The following KIAA0825 variants were observed in gnomAD, a reference collection of about 807,000 sequenced individuals.
The protein encoded by KIAA0825 is uncharacterized protein KIAA0825.
A neutral mutation model predicts 147.6 loss-of-function variants in KIAA0825; 119 were observed. The observed-to-expected ratio is 0.81, with a 90% confidence interval of 0.69 to 0.94. KIAA0825 has a LOEUF of 0.94. KIAA0825 is among the 40% of genes least tolerant of loss of function. The pLI is 0.00. For missense variants in KIAA0825, 1,381 were observed against 1,472.7 expected, an observed-to-expected ratio of 0.94 and a Z score of 1.02; for synonymous variants, 470 against 518.1, an observed-to-expected ratio of 0.91 and a Z score of 1.26.
chr5:94,516,534 T>G (rs1767266475), intron 5 of KIAA0825, among the ~76,000 whole-genome samples: 1 of 152,036 alleles, frequency 6.6e-6, no homozygotes, highest in Non-Finnish European at 1.5e-5. Context: ...CCGGGCGCGG[T>G]GGCTCACGCC....
chr5:94,515,238 T>A (rs185393688), intron 5 of KIAA0825, among the ~76,000 whole-genome samples: 136 of 152,300 alleles, frequency 8.9e-4, no homozygotes, highest in Non-Finnish European at 1.3e-3. Flanking sequence ...TAAAATTAAT[T>A]TGATCACATA....
chr5:94,402,231 A>G (rs954307047), intron 16 of KIAA0825, among the ~76,000 whole-genome samples: 3 of 152,178 alleles, frequency 2.0e-5, no homozygotes, highest in African/African-American at 4.8e-5. Flanking sequence ...TTGCAATGGT[A>G]TGGAGGAATT....
intron 20 of KIAA0825, among the ~76,000 whole-genome samples, chr5:94,177,513 A>C (rs1180587551): frequency 6.6e-6 from 1 of 152,096 alleles, no homozygotes; most frequent in Non-Finnish European, 1.5e-5. Context: ...GAGAACAGCC[A>C]CTTCTAAAAC....
chr5:94,285,559 A>G (rs1286755282), intron 20 of KIAA0825, among the ~76,000 whole-genome samples: 1 of 152,186 alleles, frequency 6.6e-6, no homozygotes, highest in Non-Finnish European at 1.5e-5. Context: ...CTTATTCAAG[A>G]GACAAGCAAT....
chr5:94,276,861 AC>A (rs1233288065), intron 20 of KIAA0825, among the ~76,000 whole-genome samples: 1 of 152,020 alleles, frequency 6.6e-6, no homozygotes, highest in African/African-American at 2.4e-5. Flanking sequence ...AGTTAGAAAA[AC>A]CAGCCCTTGC....
At chr5:94,157,500 A>G (rs1767146515) in intron 20 of KIAA0825, among the ~76,000 whole-genome samples, 1 of 152,172 alleles carries the variant, frequency 6.6e-6, no homozygotes, top group Non-Finnish European at 1.5e-5. Context: ...CAGCAGTTAC[A>G]ACTTTGCTCA....
intron 20 of KIAA0825, among the ~76,000 whole-genome samples, chr5:94,380,759 C>T (rs904738325): frequency 1.3e-5 from 2 of 152,156 alleles, no homozygotes; most frequent in Non-Finnish European, 2.9e-5. Flanking sequence ...AGTGGGAAAG[C>T]GTTTAGAGAA....
intron 20 of KIAA0825, among the ~76,000 whole-genome samples, chr5:94,245,585 A>G (rs1033593037): frequency 5.9e-5 from 9 of 152,064 alleles, no homozygotes; most frequent in African/African-American, 2.2e-4. Context: ...TAGGCCATTT[A>G]TTGACAAGTC....
At chr5:94,199,651 A>T (rs1306490572) in intron 20 of KIAA0825, among the ~76,000 whole-genome samples, 1 of 152,170 alleles carries the variant, frequency 6.6e-6, no homozygotes, top group Non-Finnish European at 1.5e-5. Flanking sequence ...TCAGTGAGGC[A>T]GTGGTGAGTT....
chr5:94,574,168 A>G (rs1780511363), intron 2 of KIAA0825, among the ~76,000 whole-genome samples: 1 of 152,174 alleles, frequency 6.6e-6, no homozygotes. Flanking sequence ...ATAGCTTCAC[A>G]GGCCCCACAG....
intron 20 of KIAA0825, among the ~76,000 whole-genome samples, chr5:94,246,488 G>A (rs1253440037): frequency 1.3e-5 from 2 of 152,220 alleles, no homozygotes; most frequent in East Asian, 3.9e-4. Context: ...GGTGGGTCAG[G>A]TGGGGTGGCA....
intron 2 of KIAA0825, among the ~76,000 whole-genome samples, chr5:94,557,945 T>C (rs1341139550): frequency 1.3e-5 from 2 of 152,146 alleles, no homozygotes; most frequent in African/African-American, 4.8e-5. Context: ...CTTCCATCCC[T>C]CTGGATCTGG....
chr5:94,396,166 A>G lies in KIAA0825; in HGVS notation c.3231T>C (p.Ile1077=), dbSNP rs1352732827. The change falls in exon 17 of 21, where the codon ATT becomes ATC. Residue 1077 remains isoleucine, a synonymous_variant. Transcript: ENST00000682413. ...NQMIQKVIQS[I]EQQKPNWIER... ...CAATCCAGTTGGGCTTCTGCTGCTC[A>G]ATGCTCTGTATGACCTTTTGGATCA... is the stretch of plus-strand genomic sequence containing the variant. 6.5e-7 allele frequency: 1 copy of G among 1,545,110 alleles called. No homozygotes were observed. The highest frequency in any genetic ancestry group is 8.7e-7 in the Non-Finnish European group (1 of 1,145,116).
intron 1 of KIAA0825, among the ~76,000 whole-genome samples, chr5:94,604,288 A>C (rs1255458806): frequency 1.3e-5 from 2 of 152,238 alleles, no homozygotes; most frequent in African/African-American, 4.8e-5. Context: ...ATGGTGGTTC[A>C]TGCCTGTAAT....
At chr5:94,498,068 C>T (rs1444219537) in intron 5 of KIAA0825, among the ~76,000 whole-genome samples, 1 of 152,164 alleles carries the variant, frequency 6.6e-6, no homozygotes, top group Non-Finnish European at 1.5e-5. Flanking sequence ...TAATCTTACA[C>T]ATAACTGGAC....
intron 20 of KIAA0825, among the ~76,000 whole-genome samples, chr5:94,172,585 C>G (rs1768724485): frequency 6.6e-6 from 1 of 152,032 alleles, no homozygotes; most frequent in South Asian, 2.1e-4. Context: ...GTCAAAATGA[C>G]CCACAGTTTT....
chr5:94,454,924 A>G (rs1758896589), intron 12 of KIAA0825, among the ~76,000 whole-genome samples: 1 of 152,174 alleles, frequency 6.6e-6, no homozygotes, highest in African/African-American at 2.4e-5. Flanking sequence ...TCCTAATGAC[A>G]TGGAGTTGGT....
At chr5:94,614,962 A>C (rs17083824) in intron 1 of KIAA0825, among the ~76,000 whole-genome samples, 21,418 of 152,094 alleles carry the variant, frequency 0.14, 1,729 homozygotes, top group East Asian at 0.32. Flanking sequence ...TTGAGGCTTT[A>C]TAAGTCAACC....
chr5:94,524,980 G>C (rs1044827615), intron 3 of KIAA0825, among the ~76,000 whole-genome samples: 6 of 151,604 alleles, frequency 4.0e-5, no homozygotes, highest in African/African-American at 1.5e-4. Context: ...ATCTTTGTGG[G>C]GTAAACTGGT....
Sources: gnomAD v4.1 joint callset for allele counts (sites outside exome capture counted in the v4.1 genomes callset) on GRCh38, gnomAD v4.1.1 for gene constraint, MANE v1.5 for transcripts, NCBI Gene and HGNC (gene_info 2026-07-23, HGNC 2026-07-21) for gene names.